The following NELL2 variants were observed in gnomAD, a reference collection of about 807,000 sequenced individuals.
NELL2 encodes the protein neural EGFL like 2, also known as protein kinase C-binding protein NELL2.
Under a neutral mutation model 109.6 loss-of-function variants are expected in NELL2, and 41 were observed. The ratio of observed to expected loss-of-function variants is 0.37; its 90% CI spans 0.29 to 0.49. The LOEUF (loss-of-function observed/expected upper bound fraction) is 0.49. NELL2 is among the 20% of genes least tolerant of loss of function. NELL2 has a pLI of 0.98. For synonymous variants in NELL2, 355 were observed against 344.7 expected (o/e 1.03, Z -0.33); for missense variants, 900 against 1,008.3 (o/e 0.89, Z 1.45).
At chr12:44,676,712 T>C (rs1443775897) in intron 12 of NELL2, among the ~76,000 whole-genome samples, 1 of 152,036 alleles carries the variant, frequency 6.6e-6, no homozygotes, top group African/African-American at 2.4e-5. Flanking sequence ...AGCTTTGGGA[T>C]TCCTGAATTA....
intron 13 of NELL2, among the ~76,000 whole-genome samples, chr12:44,644,659 C>CACAA (rs1947027515): frequency 7.6e-6 from 1 of 132,256 alleles, no homozygotes; most frequent in East Asian, 2.3e-4. Flanking sequence ...TACACACACA[C>CACAA]AACACTGCAT....
intron 9 of NELL2, among the ~76,000 whole-genome samples, chr12:44,751,364 G>C (rs1592460886): frequency 6.6e-6 from 1 of 152,046 alleles, no homozygotes. Context: ...AGTGGCTCAG[G>C]TGCTGGAAGT....
At chr12:44,637,343 A>G (rs1180512592) in intron 13 of NELL2, among the ~76,000 whole-genome samples, 1 of 150,456 alleles carries the variant, frequency 6.6e-6, no homozygotes, top group Non-Finnish European at 1.5e-5. Flanking sequence ...CTATTTATTG[A>G]CCACCTACCC....
chr12:44,689,548 A>G (rs1948836182), intron 12 of NELL2, among the ~76,000 whole-genome samples: 1 of 152,180 alleles, frequency 6.6e-6, no homozygotes, highest in Non-Finnish European at 1.5e-5. Flanking sequence ...ATGTCCCCAT[A>G]CATACATTTC....
chr12:44,912,031 T>C (rs1401067801), intron 1 of NELL2, among the ~76,000 whole-genome samples: 2 of 151,880 alleles, frequency 1.3e-5, no homozygotes, highest in South Asian at 2.1e-4. Context: ...CCCCTGAGGA[T>C]TGAGTTGGAG....
chr12:44,624,049 G>A (rs1435660230), intron 13 of NELL2, among the ~76,000 whole-genome samples: 1 of 152,060 alleles, frequency 6.6e-6, no homozygotes, highest in South Asian at 2.1e-4. Context: ...ATGGGTTGAT[G>A]AGTGCAGCAA....
chr12:44,867,004 A>T (rs1036555860), intron 2 of NELL2, among the ~76,000 whole-genome samples: 1 of 152,168 alleles, frequency 6.6e-6, no homozygotes, highest in African/African-American at 2.4e-5. Context: ...AATAATAAAA[A>T]GTCCTTCATC....
chr12:44,875,727 C>G, intron 1 of NELL2, 88 bp downstream of exon 1: 1 of 1,609,630 alleles, frequency 6.2e-7, no homozygotes, highest in Non-Finnish European at 8.5e-7. Context: ...ACTTTGGGTC[C>G]GGGAAAAGCG....
chr12:44,885,671 C>T lies in NELL2; in HGVS notation c.39-9771G>A, dbSNP rs56318633. On this transcript the variant is annotated intron_variant, in intron 1 of 20. Transcript: ENST00000333837. ...AAAAAGATCTACGTGCTCACAGATA[C>T]ATATAGTTCTTATTGTTAAGATATC... Among the ~76,000 whole-genome samples, 719 of 151,894 alleles carry T rather than the reference C, an allele frequency of 4.7e-3. 2 individuals are homozygous for T. Among genetic ancestry groups the T allele is most frequent in the Non-Finnish European group, 8.8e-3 (599 of 67,926 alleles).
At chr12:44,747,366 G>T (rs1267629304) in intron 9 of NELL2, among the ~76,000 whole-genome samples, 1 of 151,936 alleles carries the variant, frequency 6.6e-6, no homozygotes, top group Non-Finnish European at 1.5e-5. Flanking sequence ...GAGTTAATGG[G>T]TGCAGCACAC....
chr12:44,547,132 C>T (rs1284658856), intron 15 of NELL2, among the ~76,000 whole-genome samples: 1 of 152,190 alleles, frequency 6.6e-6, no homozygotes. Flanking sequence ...CAGAACATAT[C>T]ATCCTGCTAC....
chr12:44,660,590 A>G (rs1011879926), intron 13 of NELL2, among the ~76,000 whole-genome samples: 12 of 152,196 alleles, frequency 7.9e-5, no homozygotes, highest in African/African-American at 2.9e-4. Flanking sequence ...GGAATGCACA[A>G]TTGACAACCA....
At position 44,584,605 on chromosome 12, in the gene NELL2, T is replaced by G. The variant is rs553925832; in HGVS notation, c.1663+22564A>C. Reference sequence around the variant, plus strand: ...TAATTCATGTTTTACTGATTCCATTTCTAGTCCCCAAATATCTCATTCTTA... The same window carrying G: ...TAATTCATGTTTTACTGATTCCATTGCTAGTCCCCAAATATCTCATTCTTA... On this transcript the variant is annotated intron_variant, in intron 15 of 19. Coordinates refer to ENST00000429094, the MANE Select transcript of NELL2 (RefSeq NM_001145108.2). Among the ~76,000 whole-genome samples, 751 of 152,352 alleles carry G rather than the reference T, an allele frequency of 4.9e-3. 6 individuals carry two copies. Among genetic ancestry groups the G allele is most frequent in the African/African-American group, 0.015 (642 of 41,574 alleles).
intron 12 of NELL2, among the ~76,000 whole-genome samples, chr12:44,698,298 A>C (rs1485283238): frequency 3.3e-5 from 5 of 152,196 alleles, no homozygotes; most frequent in African/African-American, 1.2e-4. Context: ...ACTCAGATGA[A>C]TCATTATCAG....
intron 15 of NELL2, among the ~76,000 whole-genome samples, chr12:44,576,787 T>C (rs1216115003): frequency 6.6e-6 from 1 of 151,944 alleles, no homozygotes; most frequent in South Asian, 2.1e-4. Context: ...TGAGTGAGAA[T>C]ATGCGGTGTT....
At chr12:44,566,530 TACTCAC>T (rs1294269391) in intron 15 of NELL2, among the ~76,000 whole-genome samples, 3 of 58,440 alleles carry the variant, frequency 5.1e-5, no homozygotes, top group Non-Finnish European at 9.3e-5. Flanking sequence ...ATATTACACA[TACTCAC>T]ACACACACAC....
intron 13 of NELL2, among the ~76,000 whole-genome samples, chr12:44,622,485 C>G (rs1946095573): frequency 6.6e-6 from 1 of 152,086 alleles, no homozygotes; most frequent in Non-Finnish European, 1.5e-5. Context: ...GGCCTGCTCT[C>G]CTTTAATATC....
intron 2 of NELL2, among the ~76,000 whole-genome samples, chr12:44,841,422 G>T (rs2136751894): frequency 6.6e-6 from 1 of 152,252 alleles, no homozygotes; most frequent in East Asian, 1.9e-4. Flanking sequence ...TGAATTAATG[G>T]CTATCAGACT....
intron 1 of NELL2, among the ~76,000 whole-genome samples, chr12:44,886,855 C>T (rs1369447769): frequency 6.6e-6 from 1 of 151,924 alleles, no homozygotes; most frequent in African/African-American, 2.4e-5. Flanking sequence ...ACAATATAAT[C>T]TCTGTCTTTA....
Sources: gnomAD v4.1 joint callset for allele counts (sites outside exome capture counted in the v4.1 genomes callset) on GRCh38, gnomAD v4.1.1 for gene constraint, MANE v1.5 for transcripts, NCBI Gene and HGNC (gene_info 2026-07-23, HGNC 2026-07-21) for gene names.